The following LRRC37A2 variants were observed in gnomAD, a reference collection of about 807,000 sequenced individuals.
LRRC37A2 encodes leucine-rich repeat-containing protein 37A2.
A neutral mutation model predicts 68.8 loss-of-function variants in LRRC37A2; 9 were observed. The ratio of observed to expected loss-of-function variants is 0.13; its 90% CI spans 0.08 to 0.23. The LOEUF (loss-of-function observed/expected upper bound fraction) is 0.23. Among genes scored for constraint, LRRC37A2 ranks in the 10% least tolerant of loss-of-function variants. The pLI is 1.00. For missense variants in LRRC37A2, 168 were observed against 950.4 expected, an observed-to-expected ratio of 0.18 and a Z score of 10.82; for synonymous variants, 63 against 367.6, an observed-to-expected ratio of 0.17 and a Z score of 9.48.
At chr17:46,843,592 G>A in the LRRC37A2 span, among the ~76,000 whole-genome samples, 3 of 152,264 alleles carry the variant, frequency 2.0e-5, no homozygotes, top group Non-Finnish European at 2.9e-5. Context: ...CTGCACAGTC[G>A]TTAAATATGT....
At chr17:46,843,272 T>C in the LRRC37A2 span, among the ~76,000 whole-genome samples, 1 of 152,244 alleles carries the variant, frequency 6.6e-6, no homozygotes, top group African/African-American at 2.4e-5. Context: ...TTTTTCAACC[T>C]CCTCTCACTC....
At chr17:46,877,166 C>T in the LRRC37A2 span, 1 of 872,532 alleles carries the variant, frequency 1.1e-6, no homozygotes, top group Non-Finnish European at 1.4e-6. Flanking sequence ...AAGGCGGGAG[C>T]CTGGCTGAGA....
chr17:46,779,736 T>G, the LRRC37A2 span, among the ~76,000 whole-genome samples: 3 of 150,886 alleles, frequency 2.0e-5, no homozygotes, highest in African/African-American at 4.9e-5. Context: ...GAGGCCTGCA[T>G]GGTGAGCACA....
chr17:47,011,570 G>GTT, the LRRC37A2 span, among the ~76,000 whole-genome samples: 5 of 140,510 alleles, frequency 3.6e-5, no homozygotes, highest in Non-Finnish European at 3.1e-5. Context: ...AAAAAAAGTT[G>GTT]TTTTTTTTTT....
At chr17:46,381,952 T>C in the LRRC37A2 span, among the ~76,000 whole-genome samples, 2 of 116,242 alleles carry the variant, frequency 1.7e-5, no homozygotes, top group South Asian at 7.7e-4. Flanking sequence ...TGTTAACATA[T>C]GATATCTGCT....
At chr17:46,918,062 T>G in the LRRC37A2 span, among the ~76,000 whole-genome samples, 1 of 152,164 alleles carries the variant, frequency 6.6e-6, no homozygotes, top group East Asian at 1.9e-4. Context: ...AGTCCATGAA[T>G]TTTATAACAC....
chr17:46,876,529 G>A, the LRRC37A2 span: 3 of 1,613,680 alleles, frequency 1.9e-6, no homozygotes, highest in Non-Finnish European at 2.5e-6. Flanking sequence ...GGCCCAGCAA[G>A]TACTCACCTG....
At chr17:46,534,853 C>T (rs1239319447) in intron 6 of LRRC37A2, among the ~76,000 whole-genome samples, 7 of 148,892 alleles carry the variant, frequency 4.7e-5, no homozygotes, top group Non-Finnish European at 8.8e-5. Flanking sequence ...CCAGACAGGG[C>T]GGCTGCCGGG....
the LRRC37A2 span, among the ~76,000 whole-genome samples, chr17:46,984,421 C>T: frequency 1.3e-5 from 2 of 152,124 alleles, no homozygotes. Context: ...CAACTGGCTG[C>T]CTCCCCCTGC....
chr17:46,996,581 G>A, the LRRC37A2 span, among the ~76,000 whole-genome samples: 5 of 152,206 alleles, frequency 3.3e-5, no homozygotes, highest in Admixed American at 3.3e-4. Flanking sequence ...AGGGCCCAGG[G>A]GCCCCTAGGC....
the LRRC37A2 span, chr17:46,935,736 A>G: frequency 8.1e-6 from 8 of 988,002 alleles, no homozygotes; most frequent in Non-Finnish European, 9.6e-6. Context: ...AGCCTTAGGT[A>G]TTCCTAGAAG....
chr17:47,028,321 C>G, the LRRC37A2 span: 2 of 1,511,842 alleles, frequency 1.3e-6, no homozygotes, highest in South Asian at 2.3e-5. Flanking sequence ...AGCTTTGGAA[C>G]ATTTCAGGCC....
chr17:46,792,901 T>C, the LRRC37A2 span, among the ~76,000 whole-genome samples: 1 of 152,028 alleles, frequency 6.6e-6, no homozygotes, highest in African/African-American at 2.4e-5. Context: ...GATGATGACA[T>C]GGGCTCAGAG....
the LRRC37A2 span, among the ~76,000 whole-genome samples, chr17:46,740,662 C>CT: frequency 1.2e-3 from 165 of 137,080 alleles, no homozygotes; most frequent in Middle Eastern, 3.7e-3. Flanking sequence ...TTATCTTTTT[C>CT]TTTTTTTTTT....
the LRRC37A2 span, among the ~76,000 whole-genome samples, chr17:47,031,287 A>G: frequency 1.3e-5 from 2 of 148,390 alleles, no homozygotes; most frequent in Admixed American, 1.4e-4. Flanking sequence ...GCATTGGGGA[A>G]AGGAGGACAT....
At chr17:46,912,444 T>G in the LRRC37A2 span, among the ~76,000 whole-genome samples, 1 of 152,206 alleles carries the variant, frequency 6.6e-6, no homozygotes, top group African/African-American at 2.4e-5. Context: ...CCAGCCCCTT[T>G]TATCCTGTTT....
chr17:46,855,231 A>C, the LRRC37A2 span, among the ~76,000 whole-genome samples: 2 of 152,218 alleles, frequency 1.3e-5, no homozygotes, highest in Non-Finnish European at 2.9e-5. Flanking sequence ...GAAGGGGGTG[A>C]GGGTGGAGGG....
chr17:46,878,994 G>A, the LRRC37A2 span, among the ~76,000 whole-genome samples: 1 of 152,028 alleles, frequency 6.6e-6, no homozygotes, highest in African/African-American at 2.4e-5. Context: ...GACCCACCTC[G>A]GCCCTCTTGG....
the LRRC37A2 span, among the ~76,000 whole-genome samples, chr17:46,900,337 G>T: frequency 6.6e-6 from 1 of 151,482 alleles, no homozygotes; most frequent in Non-Finnish European, 1.5e-5. Flanking sequence ...TGCAGCCTCT[G>T]CCTCCCGGGT....
Sources: gnomAD v4.1 joint callset for allele counts (sites outside exome capture counted in the v4.1 genomes callset) on GRCh38, gnomAD v4.1.1 for gene constraint, MANE v1.5 for transcripts, NCBI Gene and HGNC (gene_info 2026-07-23, HGNC 2026-07-21) for gene names.